The following PXK variants were observed in gnomAD, a reference collection of about 807,000 sequenced individuals.
PXK encodes the protein PX domain-containing protein kinase-like protein.
Under a neutral mutation model 84.7 loss-of-function variants are expected in PXK, and 35 were observed. That is an observed-to-expected ratio of 0.41 (90% CI 0.32 to 0.55). The LOEUF is 0.55. Among genes scored for constraint, PXK ranks in the 20% least tolerant of loss-of-function variants. The pLI, the probability that PXK is intolerant of heterozygous loss-of-function variation, is 0.21. For missense variants in PXK, 634 were observed against 699.7 expected (o/e 0.91, Z 1.06); for synonymous variants, 253 against 260.8 (o/e 0.97, Z 0.29).
intron 3 of PXK, among the ~76,000 whole-genome samples, chr3:58,377,770 C>T (rs1411242149): frequency 6.6e-6 from 1 of 152,022 alleles, no homozygotes; most frequent in African/African-American, 2.4e-5. Flanking sequence ...ACAAACAGAA[C>T]AGGAGAAGAA....
intron 3 of PXK, among the ~76,000 whole-genome samples, chr3:58,381,677 A>G (rs1180541178): frequency 6.6e-6 from 1 of 152,154 alleles, no homozygotes; most frequent in Non-Finnish European, 1.5e-5. Flanking sequence ...GAATTATAAT[A>G]TAATGATGTC....
In PXK at chr3:58,369,607, C is replaced by T. The variant is rs549239760; in HGVS notation, c.201+129C>T. On this transcript the variant is annotated intron_variant, in intron 3 of 17. Transcript: ENST00000356151. ...TGGGGAGGCCAATGCGGGTGGATCA[C>T]CTGAGGTCAGGCGTTCAAGACCACC... is the stretch of plus-strand genomic sequence containing the variant. The T allele has an allele frequency of 1.6e-3, 1,016 of 654,392 alleles. 4 individuals are homozygous for T. Among genetic ancestry groups the T allele is most frequent in the Non-Finnish European group, 2.2e-3 (844 of 377,368 alleles). 40.5% of individuals were successfully genotyped at this position (654,392 alleles called of 1,614,324 possible).
chr3:58,403,882 T>C lies in PXK; in HGVS notation c.1202T>C (p.Leu401Pro), dbSNP rs373867698. Residue 401 changes from leucine (L) to proline (P), a missense_variant, in exon 13 of 18, where the codon CTA becomes CCA. Leu to Pro is a moderately conservative substitution (Grantham distance 98). Transcript: ENST00000356151. ...TACAGATTATTCAGCGATGTTTTACTAACCACTTCTGAAAAACCACAGTTT... is the reference window on the plus strand; with the variant it reads ...TACAGATTATTCAGCGATGTTTTACCAACCACTTCTGAAAAACCACAGTTT... ...LQMPLFSDVL[L>P]TTSEKPQFKI... 1 of 1,545,940 alleles carries C rather than the reference T, an allele frequency of 6.5e-7. No homozygotes were observed. The highest frequency in any genetic ancestry group is 8.8e-7 in the Non-Finnish European group (1 of 1,136,514).
At chr3:58,345,919 A>T (rs543474317) in intron 1 of PXK, among the ~76,000 whole-genome samples, 5 of 152,148 alleles carry the variant, frequency 3.3e-5, no homozygotes, top group Non-Finnish European at 7.3e-5. Flanking sequence ...AACCCACCAT[A>T]AGGATCTCAG....
chr3:58,386,446 C>T (rs2098552642), intron 4 of PXK, among the ~76,000 whole-genome samples: 1 of 151,676 alleles, frequency 6.6e-6, no homozygotes, highest in Non-Finnish European at 1.5e-5. Context: ...AAGCACCTGC[C>T]ACCATGCCAA....
intron 12 of PXK, among the ~76,000 whole-genome samples, chr3:58,402,622 G>T (rs2058757536): frequency 6.6e-6 from 1 of 151,430 alleles, no homozygotes; most frequent in African/African-American, 2.4e-5. Flanking sequence ...TAGAAACAGG[G>T]TTTTCACCAT....
chr3:58,348,969 T>C (rs1024392578), intron 1 of PXK, among the ~76,000 whole-genome samples: 2 of 152,090 alleles, frequency 1.3e-5, no homozygotes, highest in Non-Finnish European at 2.9e-5. Flanking sequence ...ATTTGAAATC[T>C]GGTGTGTATT....
intron 13 of PXK, among the ~76,000 whole-genome samples, chr3:58,404,887 G>T (rs2059153803): frequency 6.6e-6 from 1 of 152,190 alleles, no homozygotes; most frequent in Admixed American, 6.5e-5. Flanking sequence ...CCAGTTAGAG[G>T]AATTCTGACA....
At position 58,332,939 on chromosome 3, in the gene PXK, C is replaced by T. The variant is rs2097520383; in HGVS notation, c.-50C>T. ...CCGGGCGGGCGGCGGGAGTCGGCGC[C>T]TCGGGTTCCTACCTCGCGTCCCTAG... On this transcript the variant is annotated 5_prime_UTR_variant, in exon 1 of 18. Transcript: ENST00000356151. The surrounding 1 kb of genome is among the most constrained non-coding windows in gnomAD (Gnocchi z 5.6). 8.1e-7 allele frequency: 1 copy of T among 1,233,332 alleles called. No individual in the cohort carries two copies. The highest frequency in any genetic ancestry group is 1.0e-6 in the Non-Finnish European group (1 of 955,418). The allele number at this position is 1,233,332 out of a possible 1,614,324, so 76.4% of individuals were successfully genotyped here.
chr3:58,424,626 G>C (rs931479420), intron 17 of PXK, 126 bp from the exon 18 acceptor site: 10 of 1,298,474 alleles, frequency 7.7e-6, no homozygotes, highest in Non-Finnish European at 8.4e-6. Flanking sequence ...ACAGTACTAG[G>C]TATGTTGGTC....
intron 1 of PXK, among the ~76,000 whole-genome samples, chr3:58,342,182 G>A (rs918832195): frequency 2.0e-5 from 3 of 152,020 alleles, no homozygotes; most frequent in Non-Finnish European, 2.9e-5. Flanking sequence ...AGTATTCTAA[G>A]CACAAGTTCT....
At position 58,425,226 on chromosome 3, in the gene PXK, G is replaced by A; in HGVS notation, c.*266G>A. ...TTATCCTCTAATGGCCAGGCTTTTG[G>A]GACAGCAGCATATTGAAATATTTTC... On this transcript the variant is annotated 3_prime_UTR_variant, in exon 18 of 18. Coordinates refer to ENST00000356151, the MANE Select transcript of PXK (RefSeq NM_017771.5). 1.5e-5 allele frequency: 6 copies of A among 403,030 alleles called. No individual in the cohort carries two copies. Among genetic ancestry groups the A allele is most frequent in the South Asian group, 2.9e-5 (1 of 34,150 alleles). The allele number at this position is 403,030 out of a possible 1,614,324, so 25.0% of individuals were successfully genotyped here. A position where few individuals can be genotyped will look rare whatever the true frequency, so the allele number is the denominator to read the frequency against.
chr3:58,409,734 T>A lies in PXK; in HGVS notation c.1395+116T>A. ...TGCTGTGCTATATCTCCTTGAAAGCTAAGACTATTTCCAGATGACTGGGGT... is the reference window on the plus strand; with the variant it reads ...TGCTGTGCTATATCTCCTTGAAAGCAAAGACTATTTCCAGATGACTGGGGT... On this transcript the variant is annotated intron_variant, in intron 15 of 17. Coordinates refer to ENST00000356151, the MANE Select transcript of PXK (RefSeq NM_017771.5). This position sits in a 1 kb window ranked among gnomAD's most constrained non-coding sequence, Gnocchi z 4.2. 1.2e-6 allele frequency: 1 copy of A among 832,486 alleles called. No homozygotes were observed. The highest frequency in any genetic ancestry group is 1.8e-6 in the Non-Finnish European group (1 of 546,282). 51.6% of individuals were successfully genotyped at this position (832,486 alleles called of 1,614,324 possible). A position where few individuals can be genotyped will look rare whatever the true frequency, so the allele number is the denominator to read the frequency against.
intron 1 of PXK, among the ~76,000 whole-genome samples, chr3:58,336,738 C>T (rs2097621329): frequency 6.6e-6 from 1 of 152,094 alleles, no homozygotes. Context: ...TTGGAAAGCG[C>T]TGTTATCAAA....
At chr3:58,371,167 A>G (rs2098364964) in intron 3 of PXK, among the ~76,000 whole-genome samples, 1 of 152,188 alleles carries the variant, frequency 6.6e-6, no homozygotes, top group South Asian at 2.1e-4. Flanking sequence ...TTGACACATA[A>G]TGTCTTTTTG....
At position 58,407,755 on chromosome 3, in the gene PXK, C is replaced by A. The variant is rs1362357592; in HGVS notation, c.1231-1169C>A. ...TATCTTTAGTAGAGACGGGGTTTTG[C>A]CATGTTGGCCAGGCTGGTCTTGAAC... On this transcript the variant is annotated intron_variant, in intron 13 of 17. Transcript: ENST00000356151. The surrounding 1 kb of genome is among the most constrained non-coding windows in gnomAD (Gnocchi z 4.3). Among the ~76,000 whole-genome samples the A allele has an allele frequency of 6.6e-6, 1 of 152,112 alleles. No individual in the cohort carries two copies. The highest frequency in any genetic ancestry group is 1.5e-5 in the Non-Finnish European group (1 of 68,014).
chr3:58,369,390 AGT>A, intron 2 of PXK, 39 bp from the exon 3 acceptor site: 2 of 1,476,878 alleles, frequency 1.4e-6, no homozygotes, highest in Non-Finnish European at 1.9e-6. Flanking sequence ...GAAAAGAGAT[AGT>A]CTTTGCTGAA....
rs1377564765 is a variant in PXK, at chr3:58,344,019, C to T, written c.102+10929C>T. Among the ~76,000 whole-genome samples the T allele has an allele frequency of 3.3e-5, 5 of 152,194 alleles. No homozygotes were observed. In the East Asian group the frequency reaches 9.6e-4, roughly 29 times the overall value. On this transcript the variant is annotated intron_variant, in intron 1 of 17. Transcript: ENST00000356151. ...GTTTATAACCCCCCTCCCCCAGTCA[C>T]ACACAGGTAAAACTGTATATAATTG...
chr3:58,361,322 C>T (rs1216705673), intron 1 of PXK, among the ~76,000 whole-genome samples: 1 of 143,130 alleles, frequency 7.0e-6, no homozygotes, highest in African/African-American at 2.7e-5. Flanking sequence ...AAAAAAAATG[C>T]AGAGAGATCC....
Sources: gnomAD v4.1 joint callset for allele counts (sites outside exome capture counted in the v4.1 genomes callset) on GRCh38, gnomAD v4.1.1 for gene constraint, Gnocchi (gnomAD v3.1) non-coding constraint, MANE v1.5 for transcripts, NCBI Gene and HGNC (gene_info 2026-07-23, HGNC 2026-07-21) for gene names.